Variants in GRIA4 observed in about 807,000 individuals in gnomAD.
GRIA4 encodes the protein glutamate receptor 4.
GRIA4 carries 34 observed loss-of-function variants against 104.0 expected under a neutral mutation model. That is an observed-to-expected ratio of 0.33 (90% CI 0.25 to 0.44). The LOEUF (loss-of-function observed/expected upper bound fraction) is 0.44. Ranked by LOEUF, GRIA4 falls within the 20% of genes least tolerant of loss-of-function variation. GRIA4 has a pLI of 1.00. For missense variants in GRIA4, 750 were observed against 1,096.5 expected (o/e 0.68, Z 4.46); for synonymous variants, 386 against 381.9 (o/e 1.01, Z -0.13).
At chr11:105,670,933 T>G (rs1348067978) in intron 3 of GRIA4, among the ~76,000 whole-genome samples, 1 of 152,142 alleles carries the variant, frequency 6.6e-6, no homozygotes, top group East Asian at 1.9e-4. Flanking sequence ...TCTGTTTCCT[T>G]GCTTCTTCCA....
At chr11:105,896,505 A>G (rs1199861338) in intron 6 of GRIA4, among the ~76,000 whole-genome samples, 3 of 152,168 alleles carry the variant, frequency 2.0e-5, no homozygotes, top group Admixed American at 6.5e-5. Context: ...TGTCTAGGCC[A>G]ATATCCAGAA....
At chr11:105,710,797 A>G (rs1295839451) in intron 3 of GRIA4, among the ~76,000 whole-genome samples, 1 of 152,186 alleles carries the variant, frequency 6.6e-6, no homozygotes, top group Non-Finnish European at 1.5e-5. Context: ...TAACTGAAAT[A>G]GTTGCAAAAC....
chr11:105,765,851 C>A (rs372245373), intron 4 of GRIA4, among the ~76,000 whole-genome samples: 1 of 152,134 alleles, frequency 6.6e-6, no homozygotes, highest in Non-Finnish European at 1.5e-5. Flanking sequence ...GCTTGCCAAC[C>A]CTTAACTTAG....
intron 4 of GRIA4, among the ~76,000 whole-genome samples, chr11:105,797,127 T>A (rs1168116873): frequency 1.3e-5 from 2 of 151,942 alleles, no homozygotes; most frequent in African/African-American, 4.8e-5. Context: ...GAGGATGGCT[T>A]AAGCCCAGGA....
intron 4 of GRIA4, among the ~76,000 whole-genome samples, chr11:105,786,144 C>CA (rs34888562): frequency 0.2 from 17,656 of 89,154 alleles, 2,147 homozygotes; most frequent in African/African-American, 0.31. Context: ...GACCCTTTCT[C>CA]AAAAAAAAAA....
At chr11:105,871,790 A>T (rs2136051239) in intron 5 of GRIA4, among the ~76,000 whole-genome samples, 3 of 152,240 alleles carry the variant, frequency 2.0e-5, no homozygotes, top group Middle Eastern at 6.8e-3. Flanking sequence ...ATGCAAATGT[A>T]AAACCCTGAC....
At chr11:105,931,444 CT>C (rs2136207163) in intron 13 of GRIA4, among the ~76,000 whole-genome samples, 1 of 152,178 alleles carries the variant, frequency 6.6e-6, no homozygotes, top group South Asian at 2.1e-4. Context: ...TGGCTCACGC[CT>C]GAAATCCTAA....
At chr11:105,953,436 T>C (rs180747376) in intron 14 of GRIA4, among the ~76,000 whole-genome samples, 4 of 152,308 alleles carry the variant, frequency 2.6e-5, no homozygotes, top group Admixed American at 2.6e-4. Context: ...CTACATGATA[T>C]TTGCTTCTCT....
chr11:105,835,117 T>A (rs11226861), intron 4 of GRIA4, among the ~76,000 whole-genome samples: 48,908 of 151,482 alleles, frequency 0.32, 8,094 homozygotes, highest in South Asian at 0.42. Flanking sequence ...TTGTTACTTA[T>A]TCAATAATTT....
chr11:105,853,735 A>T (rs620797), intron 4 of GRIA4, among the ~76,000 whole-genome samples: 55,286 of 151,616 alleles, frequency 0.36, 10,210 homozygotes, highest in Admixed American at 0.47. Context: ...GGGTGGGGGG[A>T]GTGTAGAATT....
intron 3 of GRIA4, among the ~76,000 whole-genome samples, chr11:105,746,362 T>C (rs1939656075): frequency 6.6e-6 from 1 of 151,638 alleles, no homozygotes; most frequent in Non-Finnish European, 1.5e-5. Context: ...TTGTTAGAGA[T>C]AGGCAACATC....
At chr11:105,688,190 T>G (rs10895858) in intron 3 of GRIA4, among the ~76,000 whole-genome samples, 1 of 137,640 alleles carries the variant, frequency 7.3e-6, no homozygotes, top group South Asian at 2.4e-4. Flanking sequence ...ATCTATCTAT[T>G]TATCTATATG....
chr11:105,691,533 C>T (rs1953083150), intron 3 of GRIA4, among the ~76,000 whole-genome samples: 2 of 152,096 alleles, frequency 1.3e-5, no homozygotes, highest in Non-Finnish European at 1.5e-5. Context: ...GCCTCAGTTT[C>T]CCCATCTGTA....
At chr11:105,908,098 C>G (rs1162177376) in intron 9 of GRIA4, among the ~76,000 whole-genome samples, 3 of 152,148 alleles carry the variant, frequency 2.0e-5, no homozygotes, top group African/African-American at 7.2e-5. Flanking sequence ...AGAACAGGAG[C>G]TCCTCACAGC....
intron 4 of GRIA4, among the ~76,000 whole-genome samples, chr11:105,794,469 GTATGTATATATATATA>G (rs1219530814): frequency 0.033 from 1,325 of 40,768 alleles, 86 homozygotes; most frequent in African/African-American, 0.088. Context: ...GTGTGTATAT[GTATGTATATATATATA>G]TATATATATA....
chr11:105,806,156 G>A (rs879826001), intron 4 of GRIA4, among the ~76,000 whole-genome samples: 8 of 151,672 alleles, frequency 5.3e-5, no homozygotes, highest in Non-Finnish European at 1.0e-4. Context: ...TTGTTTGTTT[G>A]TTTACCACCA....
intron 3 of GRIA4, among the ~76,000 whole-genome samples, chr11:105,645,638 CAAG>C (rs992795776): frequency 9.9e-5 from 15 of 152,180 alleles, no homozygotes; most frequent in African/African-American, 3.4e-4. Context: ...TTAAAAATGA[CAAG>C]AAGGACACCA....
intron 3 of GRIA4, among the ~76,000 whole-genome samples, chr11:105,745,956 A>G (rs935626697): frequency 6.6e-6 from 1 of 152,144 alleles, no homozygotes; most frequent in African/African-American, 2.4e-5. Context: ...GACTCAACAC[A>G]TCCTATTTCC....
rs575352684 is a variant in GRIA4 at position 105,742,572 on chromosome 11, G to GTA, written c.248-10400_248-10399dup. Among the ~76,000 whole-genome samples the GTA allele has an allele frequency of 4.9e-4, 74 of 150,430 alleles. No individual in the cohort carries two copies. The East Asian group carries it at 6.7e-3, about 14-fold the overall frequency. Reference sequence around the variant, plus strand: ...CACACACACACACATATACATGTGTGTATATATATACAAGTGTGAGTATAT... The same window carrying GTA: ...CACACACACACACATATACATGTGTGTATATATATATACAAGTGTGAGTATAT... On this transcript the variant is annotated intron_variant, in intron 3 of 16. Coordinates refer to ENST00000282499, the MANE Select transcript of GRIA4 (RefSeq NM_000829.4).
Sources: gnomAD v4.1 joint callset for allele counts (sites outside exome capture counted in the v4.1 genomes callset) on GRCh38, gnomAD v4.1.1 for gene constraint, MANE v1.5 for transcripts, NCBI Gene and HGNC (gene_info 2026-07-23, HGNC 2026-07-21) for gene names.